Variants in HSPA14 observed in about 807,000 individuals in gnomAD.
HSPA14 encodes the protein heat shock protein family A (Hsp70) member 14, also known as heat shock 70 kDa protein 14.
Under a neutral mutation model 65.5 loss-of-function variants are expected in HSPA14, and 37 were observed. That is an observed-to-expected ratio of 0.56 (90% confidence interval 0.43 to 0.74). The LOEUF (loss-of-function observed/expected upper bound fraction) is 0.74, where lower values mean the gene tolerates loss of function less well. Ranked by LOEUF, HSPA14 falls within the 30% of genes least tolerant of loss-of-function variation. The probability of loss-of-function intolerance (pLI) is 0.00; values close to 1 mark genes in which losing one functional copy is unlikely to be tolerated. For synonymous variants in HSPA14, 203 were observed against 214.2 expected, an observed-to-expected ratio of 0.95 and a Z score of 0.46; for missense variants, 564 against 607.6, an observed-to-expected ratio of 0.93 and a Z score of 0.75.
At chr10:14,862,052 A>G (rs1426011532) in intron 10 of HSPA14, among the ~76,000 whole-genome samples, 2 of 146,106 alleles carry the variant, frequency 1.4e-5, no homozygotes. Flanking sequence ...TTTTTGAGAC[A>G]GTCTAGCTGT....
At chr10:14,860,927 C>T (rs1163302075) in intron 10 of HSPA14, among the ~76,000 whole-genome samples, 1 of 152,098 alleles carries the variant, frequency 6.6e-6, no homozygotes, top group East Asian at 1.9e-4. Flanking sequence ...GCTAGAAGGG[C>T]ATCTGGCACC....
chr10:14,842,875 G>A lies in HSPA14; in HGVS notation c.221+2718G>A. 1 of 1,422,266 alleles carries A rather than the reference G, an allele frequency of 7.0e-7. No homozygotes were observed. The highest frequency in any genetic ancestry group is 2.5e-5 in the East Asian group (1 of 40,296). The allele number at this position is 1,422,266 out of a possible 1,614,324, so 88.1% of individuals were successfully genotyped here. A position where few individuals can be genotyped will look rare whatever the true frequency, so the allele number is the denominator to read the frequency against. On this transcript the variant is annotated intron_variant, in intron 3 of 13. Transcript: ENST00000378372. This position sits in a 1 kb window ranked among gnomAD's most constrained non-coding sequence, Gnocchi z 5.2. The stretch of plus-strand genomic sequence containing the variant: ...ACTCCCAAGCATGTGAAGGAGTTGG[G>A]TCCCAGAGTCTTGTGGCTCTAAACA...
chr10:14,871,706 T>C lies in HSPA14; in HGVS notation c.*100T>C. The C allele has an allele frequency of 1.7e-6, 1 of 592,118 alleles. No individual in the cohort carries two copies. Among genetic ancestry groups the C allele is most frequent in the Non-Finnish European group, 2.9e-6 (1 of 341,742 alleles). The allele number at this position is 592,118 out of a possible 1,614,324, so 36.7% of individuals were successfully genotyped here. A position where few individuals can be genotyped will look rare whatever the true frequency, so the allele number is the denominator to read the frequency against. ...TAAAATACTTTTTCAATGAACTGTA[T>C]AAACTATGTTTTATTAAACTACAAT... On this transcript the variant is annotated 3_prime_UTR_variant, in exon 14 of 14. Transcript: ENST00000378372.
intron 10 of HSPA14, among the ~76,000 whole-genome samples, chr10:14,856,420 T>C (rs1158858600): frequency 6.6e-6 from 1 of 152,244 alleles, no homozygotes; most frequent in Non-Finnish European, 1.5e-5. Flanking sequence ...CCAGTATTGT[T>C]CCTGTGTCTC....
rs1834126874 is a variant in HSPA14 at position 14,854,006 on chromosome 10, C to T, written c.735-119C>T. ...AAGTTGGGATTACACGCGTGAGCCACCGCACCCGGCCTGATTCACTAATTT... is the reference window on the plus strand; with the variant it reads ...AAGTTGGGATTACACGCGTGAGCCATCGCACCCGGCCTGATTCACTAATTT... On this transcript the variant is annotated intron_variant, in intron 8 of 13. Transcript: ENST00000378372. 5 of 1,002,188 alleles carry T rather than the reference C, an allele frequency of 5.0e-6. No individual in the cohort carries two copies. The Admixed American group carries it at 1.5e-4, about 30-fold the overall frequency. The allele number at this position is 1,002,188 out of a possible 1,614,324, so 62.1% of individuals were successfully genotyped here.
intron 3 of HSPA14, chr10:14,844,112 G>A (rs897824474): frequency 6.1e-5 from 84 of 1,375,468 alleles, no homozygotes; most frequent in Non-Finnish European, 7.5e-5. Context: ...AATAGAAAAC[G>A]ATGGAGCCAC....
chr10:14,842,900 A>T lies in HSPA14; in HGVS notation c.221+2743A>T. The T allele has an allele frequency of 8.1e-7, 1 of 1,241,252 alleles. No homozygotes were observed. The highest frequency in any genetic ancestry group is 1.1e-6 in the Non-Finnish European group (1 of 908,296). The allele number at this position is 1,241,252 out of a possible 1,614,324, so 76.9% of individuals were successfully genotyped here. On this transcript the variant is annotated intron_variant, in intron 3 of 13. Coordinates refer to ENST00000378372, the MANE Select transcript of HSPA14 (RefSeq NM_016299.4). The surrounding 1 kb of genome is among the most constrained non-coding windows in gnomAD (Gnocchi z 5.2). The stretch of plus-strand genomic sequence containing the variant: ...GTCCCAGAGTCTTGTGGCTCTAAAC[A>T]TTTAGCTGTGTCTGTTTGGATAGTG...
In HSPA14 at chr10:14,852,539, T is replaced by A; in HGVS notation, c.734+8T>A. The A allele has an allele frequency of 6.2e-7, 1 of 1,605,938 alleles. No homozygotes were observed. On this transcript the variant is annotated splice_region_variant and intron_variant, in intron 8 of 13. Transcript: ENST00000378372. Reference sequence around the variant, plus strand: ...AGCTTCTGAGTTCCAAAGGTGAGTGTTAATGGCCTGAATAATACCTTCTGA... The same window carrying A: ...AGCTTCTGAGTTCCAAAGGTGAGTGATAATGGCCTGAATAATACCTTCTGA...
chr10:14,848,830 C>G lies in HSPA14; in HGVS notation c.311C>G (p.Thr104Ser). 1 of 1,592,954 alleles carries G rather than the reference C, an allele frequency of 6.3e-7. No individual in the cohort carries two copies. Among genetic ancestry groups the G allele is most frequent in the Non-Finnish European group, 8.6e-7 (1 of 1,164,554 alleles). Residue 104 changes from threonine to serine, a missense_variant, in exon 5 of 14, where the codon ACT becomes AGT. Coordinates refer to ENST00000378372, the MANE Select transcript of HSPA14 (RefSeq NM_016299.4). ...GGGAAATTACGATATGAAATAGATA[C>G]TGGAGAAGAAACAAAATTTGTTAAC... ...KNGKLRYEID[T>S]GEETKFVNPE...
At chr10:14,870,485 TA>T in intron 12 of HSPA14, 111 bp from the exon 13 acceptor site, 3 of 1,244,148 alleles carry the variant, frequency 2.4e-6, no homozygotes, top group Non-Finnish European at 3.3e-6. Flanking sequence ...TGCCCTATTT[TA>T]AAAAGGTTTG....
chr10:14,846,921 T>C, intron 3 of HSPA14: 1 of 985,442 alleles, frequency 1.0e-6, no homozygotes, highest in Non-Finnish European at 1.2e-6. Flanking sequence ...TAAGGTGCTA[T>C]GTATACCAAC....
intron 10 of HSPA14, among the ~76,000 whole-genome samples, chr10:14,859,909 A>G (rs1832737575): frequency 6.6e-6 from 1 of 152,186 alleles, no homozygotes. Context: ...TTCAACTTAC[A>G]TAAAGTCTCA....
At chr10:14,866,814 G>C (rs1316973569) in intron 10 of HSPA14, among the ~76,000 whole-genome samples, 1 of 152,092 alleles carries the variant, frequency 6.6e-6, no homozygotes, top group Non-Finnish European at 1.5e-5. Flanking sequence ...GATGAACCAA[G>C]TATGTAGCTC....
At chr10:14,850,257 G>A (rs1355779339) in intron 6 of HSPA14, among the ~76,000 whole-genome samples, 6 of 145,668 alleles carry the variant, frequency 4.1e-5, no homozygotes, top group African/African-American at 1.3e-4. Context: ...GTGTGACAGC[G>A]AGACTTCGTC....
At chr10:14,858,779 C>A (rs184392898) in intron 10 of HSPA14, among the ~76,000 whole-genome samples, 54 of 152,258 alleles carry the variant, frequency 3.5e-4, no homozygotes, top group African/African-American at 1.1e-3. Context: ...CTCACACAAG[C>A]TCCAGGAAGT....
intron 10 of HSPA14, among the ~76,000 whole-genome samples, chr10:14,864,846 G>A (rs1832791299): frequency 6.6e-6 from 1 of 152,186 alleles, no homozygotes; most frequent in African/African-American, 2.4e-5. Flanking sequence ...ACCCAGTAAT[G>A]GGATGGCTGG....
chr10:14,853,008 T>G (rs570238323), intron 8 of HSPA14, among the ~76,000 whole-genome samples: 1 of 152,234 alleles, frequency 6.6e-6, no homozygotes, highest in South Asian at 2.1e-4. Flanking sequence ...CTGGATATAA[T>G]TACTCTAAAA....
chr10:14,840,589 C>T (rs1027992612), intron 3 of HSPA14, among the ~76,000 whole-genome samples: 9 of 152,144 alleles, frequency 5.9e-5, no homozygotes, highest in African/African-American at 2.4e-5. Flanking sequence ...TTTCTGGGAA[C>T]GAACTTTTCC....
Position 14,840,062 on chromosome 10 carries a change from T to TATTA in HSPA14, c.139-13_139-12insATTA. 2 of 549,070 alleles carry TATTA rather than the reference T, an allele frequency of 3.6e-6. No individual in the cohort carries two copies. 34.0% of individuals were successfully genotyped at this position (549,070 alleles called of 1,614,324 possible). A position where few individuals can be genotyped will look rare whatever the true frequency, so the allele number is the denominator to read the frequency against. Reference sequence around the variant, plus strand: ...TTGTAATATATATATATATATATTATTTTTTTTTTCAGATTGTTGGATTGG... The same window carrying TATTA: ...TTGTAATATATATATATATATATTATATTATTTTTTTTTCAGATTGTTGGATTGG... On this transcript the variant is annotated splice_polypyrimidine_tract_variant and intron_variant, in intron 2 of 13. Coordinates refer to ENST00000378372, the MANE Select transcript of HSPA14 (RefSeq NM_016299.4).
Sources: gnomAD v4.1 joint callset for allele counts (sites outside exome capture counted in the v4.1 genomes callset) on GRCh38, gnomAD v4.1.1 for gene constraint, Gnocchi (gnomAD v3.1) non-coding constraint, MANE v1.5 for transcripts, NCBI Gene and HGNC (gene_info 2026-07-23, HGNC 2026-07-21) for gene names.